The following MID1 variants were observed in gnomAD, a reference collection of about 807,000 sequenced individuals.
MID1 encodes the protein E3 ubiquitin-protein ligase Midline-1.
In MID1, 7 loss-of-function variants were observed where a neutral mutation model predicts 40.4. The observed-to-expected ratio is 0.17, with a 90% CI of 0.10 to 0.33. The LOEUF (loss-of-function observed/expected upper bound fraction) is 0.33. Among genes scored for constraint, MID1 ranks in the 10% least tolerant of loss-of-function variants. The pLI is 1.00. For synonymous variants in MID1, 229 were observed against 221.2 expected, an observed-to-expected ratio of 1.04 and a Z score of -0.31; for missense variants, 367 against 558.5, an observed-to-expected ratio of 0.66 and a Z score of 3.46.
intron 1 of MID1, among the ~76,000 whole-genome samples, chrX:10,662,316 A>G: frequency 9.0e-6 from 1 of 110,866 alleles, no homozygotes; most frequent in East Asian, 2.8e-4. Flanking sequence ...AAACAAACAA[A>G]CAAAGAAACA....
Position 10,482,541 on chromosome X carries a change from G to A in MID1, c.952C>T (p.His318Tyr). The change falls in exon 5 of 10, where the codon CAC (histidine) becomes TAC (tyrosine). Residue 318 changes from histidine to tyrosine, a missense_variant. Transcript: ENST00000317552. ...RSASLISQAE[H>Y]SLKENDHARF... ...GCATGATCATTCTCCTTCAGAGAGTGTTCCGCTTGGGAGATGAGTGATGCT... is the reference window on the plus strand; with the variant it reads ...GCATGATCATTCTCCTTCAGAGAGTATTCCGCTTGGGAGATGAGTGATGCT... 8.3e-7 allele frequency: 1 copy of A among 1,210,572 alleles called. No individual in the cohort carries two copies. Among genetic ancestry groups the A allele is most frequent in the Non-Finnish European group, 1.1e-6 (1 of 894,821 alleles).
At chrX:10,785,661 C>T (rs1387636212) in intron 1 of MID1, among the ~76,000 whole-genome samples, 14 of 109,311 alleles carry the variant, frequency 1.3e-4, no homozygotes, top group East Asian at 8.6e-4. Context: ...GAAATAATGC[C>T]GCATATCTAC....
At position 10,631,693 on chromosome X, in the gene MID1, C is replaced by A. The variant is rs763910563; in HGVS notation, c.-186-11274G>T. Among the ~76,000 whole-genome samples the A allele has an allele frequency of 6.3e-4, 71 of 111,976 alleles. 1 individual carries two copies. Among genetic ancestry groups the A allele is most frequent in the South Asian group, 1.1e-3 (3 of 2,672 alleles). On this transcript the variant is annotated intron_variant, in intron 1 of 10. Transcript: ENST00000380785. The stretch of plus-strand genomic sequence containing the variant: ...GCTTTCTCCAGCTCTATTTTGGGTA[C>A]GTAGCCCATATTCTTCCTTCCTTGA...
At chrX:10,582,103 C>A in intron 1 of MID1, among the ~76,000 whole-genome samples, 1 of 111,477 alleles carries the variant, frequency 9.0e-6, no homozygotes, top group Middle Eastern at 4.6e-3. Flanking sequence ...TCCCCTTGTT[C>A]TCGAAGTCCT....
At chrX:10,738,199 A>C (rs1400378014) in intron 1 of MID1, among the ~76,000 whole-genome samples, 2 of 112,402 alleles carry the variant, frequency 1.8e-5, no homozygotes, top group African/African-American at 3.2e-5. Flanking sequence ...AATTGTAAAA[A>C]ACATTATGTT....
intron 8 of MID1, 68 bp downstream of exon 8, chrX:10,459,573 AGAAAG>A (rs1928897267): frequency 9.1e-7 from 1 of 1,099,470 alleles, no homozygotes; most frequent in African/African-American, 1.8e-5. Flanking sequence ...GAAAAGGAAA[AGAAAG>A]GGGGACAGAG....
rs1285411650 is a variant in MID1 at position 10,521,799 on chromosome X, C to T, written c.756+1293G>A. Among the ~76,000 whole-genome samples, 3 of 112,224 alleles carry T rather than the reference C, an allele frequency of 2.7e-5. No homozygotes were observed. The East Asian group carries it at 8.4e-4, about 31-fold the overall frequency. ...GCAAAAAGGTATGTTCAAGTCCTAA[C>T]CCTTGGTACCTGTAAATGGGACCTT... On this transcript the variant is annotated intron_variant, in intron 3 of 9. Transcript: ENST00000317552.
chrX:10,728,585 C>T (rs1055838781), intron 1 of MID1, among the ~76,000 whole-genome samples: 5 of 111,874 alleles, frequency 4.5e-5, no homozygotes, highest in Non-Finnish European at 9.4e-5. Flanking sequence ...TATAAAATGG[C>T]TTCCATTAAC....
At chrX:10,639,098 G>A (rs912359993) in intron 1 of MID1, among the ~76,000 whole-genome samples, 2 of 112,297 alleles carry the variant, frequency 1.8e-5, no homozygotes, top group Non-Finnish European at 3.8e-5. Context: ...ACCAGCACAC[G>A]TCTTCTCCTC....
At chrX:10,723,706 C>G (rs1255583794) in intron 1 of MID1, among the ~76,000 whole-genome samples, 2 of 112,352 alleles carry the variant, frequency 1.8e-5, no homozygotes, top group African/African-American at 6.5e-5. Context: ...CGCCCGCCAC[C>G]GCGCCCGGCT....
At chrX:10,772,072 T>C (rs1454125462) in intron 1 of MID1, among the ~76,000 whole-genome samples, 2 of 110,653 alleles carry the variant, frequency 1.8e-5, no homozygotes, top group East Asian at 2.8e-4. Context: ...CAATTCGCAA[T>C]TGCAAAAATG....
upstream of MID1, among the ~76,000 whole-genome samples, chrX:10,623,083 C>CAAAAAAA (rs763054366): frequency 3.1e-5 from 1 of 32,516 alleles, no homozygotes; most frequent in Non-Finnish European, 6.3e-5. Context: ...GCTGTCTCTA[C>CAAAAAAA]AAAAAAAAAA....
At position 10,515,131 on chromosome X, in the gene MID1, G is replaced by A. The variant is rs375368732; in HGVS notation, c.756+7961C>T. On this transcript the variant is annotated intron_variant, in intron 3 of 9. Coordinates refer to ENST00000317552, the MANE Select transcript of MID1 (RefSeq NM_000381.4). ...ATGAAGCCATTGCCAAGTTTTCTAC[G>A]GAGAGAGAATGCTTTGGCATTACAA... Among the ~76,000 whole-genome samples, 14 of 112,255 alleles carry A rather than the reference G, an allele frequency of 1.2e-4. No homozygotes were observed. In the Middle Eastern group the frequency reaches 0.023, roughly 186 times the overall value.
intron 1 of MID1, among the ~76,000 whole-genome samples, chrX:10,830,754 T>C (rs779003568): frequency 8.9e-6 from 1 of 112,484 alleles, no homozygotes; most frequent in African/African-American, 3.2e-5. Flanking sequence ...AAGGATTCCA[T>C]GAAGCACTTT....
chrX:10,516,605 T>TGC (rs1363109630), intron 3 of MID1, among the ~76,000 whole-genome samples: 2 of 62,148 alleles, frequency 3.2e-5, no homozygotes, highest in East Asian at 4.0e-4. Flanking sequence ...TGTGTGTGTG[T>TGC]GTGTGCGCGC....
intron 7 of MID1, among the ~76,000 whole-genome samples, chrX:10,465,048 G>A (rs1417304563): frequency 9.2e-6 from 1 of 108,347 alleles, no homozygotes; most frequent in Non-Finnish European, 1.9e-5. Context: ...GCCAGGCGTG[G>A]TAGCACATGT....
intron 1 of MID1, among the ~76,000 whole-genome samples, chrX:10,762,471 T>A (rs113084784): frequency 0.06 from 6,588 of 109,861 alleles, 513 homozygotes; most frequent in African/African-American, 0.21. Context: ...AGTTTGTTGT[T>A]GTTGTTGTGT....
chrX:10,776,395 T>G (rs979457810), intron 1 of MID1, among the ~76,000 whole-genome samples: 3 of 111,905 alleles, frequency 2.7e-5, no homozygotes, highest in Non-Finnish European at 5.6e-5. Context: ...GAATTCAATT[T>G]TTATTTCATT....
chrX:10,516,188 CTT>C (rs1191096522), intron 3 of MID1, among the ~76,000 whole-genome samples: 12 of 71,473 alleles, frequency 1.7e-4, no homozygotes, highest in African/African-American at 7.3e-4. Flanking sequence ...TGAAGTTGCT[CTT>C]TTTTTTTTTT....
Sources: allele counts gnomAD v4.1 joint callset (sites outside exome capture counted in the v4.1 genomes callset), GRCh38; gene constraint gnomAD v4.1.1; transcripts MANE v1.5; gene names NCBI Gene and HGNC (gene_info 2026-07-23, HGNC 2026-07-21).